Variants in PXDNL observed in about 807,000 individuals in gnomAD.
The protein encoded by PXDNL is peroxidasin like.
A neutral mutation model predicts 150.8 loss-of-function variants in PXDNL; 145 were observed. The observed-to-expected ratio is 0.96, with a 90% CI of 0.84 to 1.10. The LOEUF is 1.10. Ranked by LOEUF, PXDNL falls within the 50% of genes least tolerant of loss-of-function variation. PXDNL has a pLI of 0.00. For missense variants in PXDNL, 2,087 were observed against 1,873.9 expected (o/e 1.11, Z -2.10); for synonymous variants, 757 against 725.7 (o/e 1.04, Z -0.69).
Position 51,809,279 on chromosome 8 carries a change from C to A in PXDNL, c.66G>T (p.Leu22Phe), listed in dbSNP as rs2037709870. Residue 22 changes from leucine to phenylalanine, a missense_variant, in exon 1 of 23, where the codon TTG (leucine) becomes TTT (phenylalanine). By Grantham distance (22) the Leu-to-Phe change is conservative (BLOSUM62 0). Transcript: ENST00000356297. Reference protein sequence around the residue: ...FLLAGWCLPGLPCPSRCLCFK... With the variant: ...FLLAGWCLPGFPCPSRCLCFK... ...AGCAAAGGCACCGGCTGGGGCAGGGCAACCCTGGCAGGCACCACCCGGCCA... is the reference window on the plus strand; with the variant it reads ...AGCAAAGGCACCGGCTGGGGCAGGGAAACCCTGGCAGGCACCACCCGGCCA... 1 of 1,595,534 alleles carries A rather than the reference C, an allele frequency of 6.3e-7. No individual in the cohort carries two copies. The highest frequency in any genetic ancestry group is 1.1e-5 in the South Asian group (1 of 88,420).
rs1416901675 is a variant in PXDNL at position 51,455,101 on chromosome 8, G to A, written c.983-1316C>T. On this transcript the variant is annotated intron_variant, in intron 9 of 22. Transcript: ENST00000356297. The stretch of plus-strand genomic sequence containing the variant: ...TCCGCAGTCCGGCCTGGGCGACAGA[G>A]CGAGACTCCGTCTCAAAAAAAAAAA... Among the ~76,000 whole-genome samples, 17 of 4,740 alleles carry A rather than the reference G, an allele frequency of 3.6e-3. 3 individuals are homozygous for A. The highest frequency in any genetic ancestry group is 7.0e-3 in the African/African-American group (17 of 2,422). 3.1% of individuals were successfully genotyped at this position (4,740 alleles called of 152,430 possible). A position where few individuals can be genotyped will look rare whatever the true frequency, so the allele number is the denominator to read the frequency against.
chr8:51,527,097 C>T (rs755199731), intron 4 of PXDNL, among the ~76,000 whole-genome samples: 2 of 152,212 alleles, frequency 1.3e-5, no homozygotes, highest in Non-Finnish European at 2.9e-5. Flanking sequence ...TATTTTCCTG[C>T]CTCTCAGTTT....
intron 2 of PXDNL, among the ~76,000 whole-genome samples, chr8:51,640,321 C>T (rs542000844): frequency 6.6e-6 from 1 of 152,124 alleles, no homozygotes; most frequent in Non-Finnish European, 1.5e-5. Context: ...TCTCACCACT[C>T]CTATTCAACA....
chr8:51,561,549 G>C (rs1163006319), intron 3 of PXDNL, among the ~76,000 whole-genome samples: 1 of 151,698 alleles, frequency 6.6e-6, no homozygotes, highest in African/African-American at 2.4e-5. Context: ...TTAAAAAAAC[G>C]AAGGAAATTC....
chr8:51,334,154 A>G (rs1002248850), intron 21 of PXDNL, among the ~76,000 whole-genome samples: 2 of 152,196 alleles, frequency 1.3e-5, no homozygotes, highest in Non-Finnish European at 2.9e-5. Flanking sequence ...TTGGAAATCA[A>G]TTCCAAAAGG....
intron 8 of PXDNL, among the ~76,000 whole-genome samples, chr8:51,470,815 A>T (rs1209438478): frequency 1.3e-5 from 2 of 152,156 alleles, no homozygotes; most frequent in African/African-American, 4.8e-5. Flanking sequence ...CCTTCCTTAC[A>T]CCTTATACAA....
chr8:51,557,658 G>A (rs1304987776), intron 3 of PXDNL, among the ~76,000 whole-genome samples: 1 of 152,092 alleles, frequency 6.6e-6, no homozygotes, highest in Non-Finnish European at 1.5e-5. Context: ...CTTGCATATT[G>A]TCAGTGCATC....
At chr8:51,808,228 T>A (rs2037698991) in intron 1 of PXDNL, among the ~76,000 whole-genome samples, 1 of 152,236 alleles carries the variant, frequency 6.6e-6, no homozygotes, top group Non-Finnish European at 1.5e-5. Context: ...AGAATGGACT[T>A]GAAACACTGC....
intron 3 of PXDNL, among the ~76,000 whole-genome samples, chr8:51,573,590 A>G (rs1004068083): frequency 6.6e-6 from 1 of 152,048 alleles, no homozygotes; most frequent in Non-Finnish European, 1.5e-5. Flanking sequence ...ACTAGAAGTA[A>G]CAAGGAATCT....
At chr8:51,805,666 T>G (rs2037668386) in intron 1 of PXDNL, among the ~76,000 whole-genome samples, 1 of 152,154 alleles carries the variant, frequency 6.6e-6, no homozygotes. Flanking sequence ...GAAAATGTCT[T>G]TAAATTAAAT....
intron 4 of PXDNL, among the ~76,000 whole-genome samples, chr8:51,529,882 G>A (rs1811855618): frequency 6.6e-6 from 1 of 152,164 alleles, no homozygotes; most frequent in African/African-American, 2.4e-5. Context: ...TCCCATGCTT[G>A]GTAAGAAGTG....
intron 2 of PXDNL, among the ~76,000 whole-genome samples, chr8:51,611,016 T>A (rs1465359837): frequency 1.3e-5 from 2 of 152,144 alleles, no homozygotes; most frequent in East Asian, 1.9e-4. Flanking sequence ...GTGACATGAG[T>A]GATGCCCATC....
chr8:51,370,016 C>T (rs978575596), intron 19 of PXDNL, among the ~76,000 whole-genome samples: 5 of 152,346 alleles, frequency 3.3e-5, no homozygotes, highest in African/African-American at 9.6e-5. Context: ...TGCACCTACC[C>T]TACACGTGCT....
rs144886373 is a variant in PXDNL, at chr8:51,707,875, A to G, written c.165-53115T>C. 2.1e-3 allele frequency among the ~76,000 whole-genome samples: 322 copies of G among 152,320 alleles called. 3 individuals are homozygous for G. Among genetic ancestry groups the G allele is most frequent in the Admixed American group, 0.019 (297 of 15,300 alleles). On this transcript the variant is annotated intron_variant, in intron 1 of 22. Transcript: ENST00000356297. ...ATTTCCTTTTCTTTTAAGGCTGAAT[A>G]ATAGTCCACGTGTGTGTGTGCGCGT...
intron 17 of PXDNL, among the ~76,000 whole-genome samples, chr8:51,386,575 G>A (rs1020790849): frequency 3.9e-5 from 6 of 152,092 alleles, no homozygotes; most frequent in Non-Finnish European, 8.8e-5. Context: ...AAGAGATAAA[G>A]AGAGATAATA....
chr8:51,471,179 A>AT (rs1482189350), intron 8 of PXDNL, among the ~76,000 whole-genome samples: 1 of 151,582 alleles, frequency 6.6e-6, no homozygotes, highest in African/African-American at 2.4e-5. Flanking sequence ...AGCAAAGGAT[A>AT]TGAACAGACA....
chr8:51,392,422 T>G (rs1586064869), intron 17 of PXDNL, among the ~76,000 whole-genome samples: 1 of 152,138 alleles, frequency 6.6e-6, no homozygotes, highest in Non-Finnish European at 1.5e-5. Context: ...CATTGAGCAG[T>G]GGTTTATAGT....
intron 1 of PXDNL, among the ~76,000 whole-genome samples, chr8:51,806,135 C>T (rs990180362): frequency 2.0e-5 from 3 of 152,100 alleles, no homozygotes; most frequent in African/African-American, 7.2e-5. Flanking sequence ...TTTTTCTAAA[C>T]TTAAAACCCT....
At chr8:51,785,426 C>T (rs2037451976) in intron 1 of PXDNL, among the ~76,000 whole-genome samples, 1 of 152,180 alleles carries the variant, frequency 6.6e-6, no homozygotes. Flanking sequence ...CTTTACTGTG[C>T]TTCAGAGATA....
Sources: gnomAD v4.1 joint callset for allele counts (sites outside exome capture counted in the v4.1 genomes callset) on GRCh38, gnomAD v4.1.1 for gene constraint, MANE v1.5 for transcripts, NCBI Gene and HGNC (gene_info 2026-07-23, HGNC 2026-07-21) for gene names.